EPB41L4A: variants seen among roughly 807,000 people sequenced by gnomAD.
The protein encoded by EPB41L4A is erythrocyte membrane protein band 4.1 like 4A, also known as band 4.1-like protein 4A.
Under a neutral mutation model 108.6 loss-of-function variants are expected in EPB41L4A, and 100 were observed. That is an observed-to-expected ratio of 0.92 (90% CI 0.78 to 1.09). The LOEUF is 1.09. Among genes scored for constraint, EPB41L4A ranks in the 50% least tolerant of loss-of-function variants. The pLI, the probability that EPB41L4A is intolerant of heterozygous loss-of-function variation, is 0.00. For missense variants in EPB41L4A, 1,030 were observed against 842.7 expected (o/e 1.22, Z -2.75); for synonymous variants, 319 against 289.0 (o/e 1.10, Z -1.05).
chr5:112,286,212 G>A (rs55858222), intron 2 of EPB41L4A, among the ~76,000 whole-genome samples: 9,296 of 151,648 alleles, frequency 0.061, 319 homozygotes, highest in Non-Finnish European at 0.068. Flanking sequence ...TCACTTGCAA[G>A]TGTCCTCAAT....
intron 18 of EPB41L4A, among the ~76,000 whole-genome samples, chr5:112,181,570 G>A (rs997197959): frequency 3.9e-5 from 6 of 152,014 alleles, no homozygotes; most frequent in Non-Finnish European, 5.9e-5. Flanking sequence ...TGTCTATAAC[G>A]CAATGGCAAA....
intron 1 of EPB41L4A, among the ~76,000 whole-genome samples, chr5:112,395,157 G>A (rs1205397016): frequency 3.3e-5 from 5 of 152,116 alleles, no homozygotes; most frequent in Admixed American, 2.0e-4. Context: ...AGAAAACCTA[G>A]GCAATACCAT....
chr5:112,302,057 C>T lies in EPB41L4A; in HGVS notation c.204+5329G>A, dbSNP rs563815680. 3.5e-3 allele frequency among the ~76,000 whole-genome samples: 535 copies of T among 152,106 alleles called. 4 individuals carry two copies. The highest frequency in any genetic ancestry group is 0.012 in the African/African-American group (511 of 41,508). ...AAGGTAGATGAAGAGTACAAAATTG[C>T]TATGAAATATAAATTCATAGGATAC... On this transcript the variant is annotated intron_variant, in intron 2 of 22. Transcript: ENST00000261486.
chr5:112,344,428 G>A (rs1249421222), intron 1 of EPB41L4A, among the ~76,000 whole-genome samples: 1 of 152,226 alleles, frequency 6.6e-6, no homozygotes, highest in Non-Finnish European at 1.5e-5. Flanking sequence ...AGATGTGGAT[G>A]AGGCAAGACT....
At chr5:112,416,347 C>G (rs1762719477) in intron 1 of EPB41L4A, among the ~76,000 whole-genome samples, 2 of 152,032 alleles carry the variant, frequency 1.3e-5, no homozygotes, top group Admixed American at 1.3e-4. Flanking sequence ...ATAATACAAG[C>G]AAATTCTCAA....
intron 16 of EPB41L4A, 127 bp downstream of exon 16, chr5:112,195,534 C>T (rs762385715): frequency 1.7e-4 from 127 of 754,080 alleles, no homozygotes; most frequent in Non-Finnish European, 2.6e-4. Context: ...CAGCTGAAGA[C>T]AAACTGGCTT....
At chr5:112,365,444 T>C (rs901695187) in intron 1 of EPB41L4A, among the ~76,000 whole-genome samples, 3 of 151,920 alleles carry the variant, frequency 2.0e-5, no homozygotes, top group African/African-American at 7.3e-5. Flanking sequence ...TATTTCTGAT[T>C]TAATATCAAC....
chr5:112,255,753 T>G (rs890111766), intron 9 of EPB41L4A, among the ~76,000 whole-genome samples: 3 of 152,182 alleles, frequency 2.0e-5, no homozygotes, highest in African/African-American at 7.2e-5. Context: ...TATTCAAATT[T>G]ATATATTCTG....
At chr5:112,324,222 C>A (rs1755995776) in intron 1 of EPB41L4A, among the ~76,000 whole-genome samples, 1 of 152,096 alleles carries the variant, frequency 6.6e-6, no homozygotes, top group Admixed American at 6.6e-5. Flanking sequence ...ACGAAAAATT[C>A]TAAACTATCT....
At chr5:112,241,586 A>G (rs554200899) in intron 9 of EPB41L4A, among the ~76,000 whole-genome samples, 1 of 152,240 alleles carries the variant, frequency 6.6e-6, no homozygotes, top group Non-Finnish European at 1.5e-5. Flanking sequence ...GCAATAGAGC[A>G]TAACAACTAT....
At chr5:112,187,730 C>T (rs567712608) in intron 17 of EPB41L4A, among the ~76,000 whole-genome samples, 23 of 152,270 alleles carry the variant, frequency 1.5e-4, no homozygotes, top group African/African-American at 5.3e-4. Flanking sequence ...AGCAGTTTTG[C>T]TCCTAACAGA....
At chr5:112,233,476 T>A (rs1273623201) in intron 12 of EPB41L4A, among the ~76,000 whole-genome samples, 3 of 152,236 alleles carry the variant, frequency 2.0e-5, no homozygotes, top group African/African-American at 7.2e-5. Flanking sequence ...ACTTTCTATA[T>A]GTGTATTATG....
intron 1 of EPB41L4A, among the ~76,000 whole-genome samples, chr5:112,364,303 G>C (rs570761257): frequency 1.3e-5 from 2 of 152,328 alleles, no homozygotes; most frequent in Admixed American, 6.5e-5. Flanking sequence ...TGGGATTATA[G>C]ACGTGAACCA....
chr5:112,342,221 C>T (rs567854384), intron 1 of EPB41L4A, among the ~76,000 whole-genome samples: 202 of 152,284 alleles, frequency 1.3e-3, no homozygotes, highest in Non-Finnish European at 2.2e-3. Flanking sequence ...TATGATCAGA[C>T]AACCATGATG....
In EPB41L4A at chr5:112,205,544, G is replaced by T. The variant is rs756852220; in HGVS notation, c.1179-40C>A. On this transcript the variant is annotated intron_variant, in intron 13 of 22. Transcript: ENST00000261486. ...AAAAGTATGAGAAATAAATTAAGTA[G>T]AAAATAAAAGTAAACTCACATACTT... The T allele has an allele frequency of 2.8e-6, 4 of 1,434,102 alleles. No individual in the cohort carries two copies. In the East Asian group the frequency reaches 6.8e-5, roughly 24 times the overall value. The allele number at this position is 1,434,102 out of a possible 1,614,324, so 88.8% of individuals were successfully genotyped here.
intron 12 of EPB41L4A, among the ~76,000 whole-genome samples, chr5:112,221,004 T>C (rs1438917230): frequency 6.6e-6 from 1 of 152,250 alleles, no homozygotes; most frequent in Non-Finnish European, 1.5e-5. Flanking sequence ...TGGGTCTTCA[T>C]TTCTAAAGGC....
At chr5:112,350,937 G>C (rs1224332787) in intron 1 of EPB41L4A, among the ~76,000 whole-genome samples, 4 of 152,162 alleles carry the variant, frequency 2.6e-5, no homozygotes, top group African/African-American at 9.7e-5. Context: ...GCAATAAACA[G>C]AGAGATACAC....
chr5:112,406,206 T>A (rs1762061470), intron 1 of EPB41L4A, among the ~76,000 whole-genome samples: 1 of 152,164 alleles, frequency 6.6e-6, no homozygotes, highest in African/African-American at 2.4e-5. Context: ...AGGGAAAAGA[T>A]CTATTAGCCT....
Position 112,184,063 on chromosome 5 carries a change from T to C in EPB41L4A, c.1575A>G (p.Lys525=), listed in dbSNP as rs111958355. The change falls in exon 18 of 23, where the codon AAA becomes AAG. Residue 525 remains lysine (K), a synonymous_variant. Coordinates refer to ENST00000261486, the MANE Select transcript of EPB41L4A (RefSeq NM_022140.5). The stretch of plus-strand genomic sequence containing the variant: ...GCCTGTTGTTGGGGTCGGCTTGGTT[T>C]TTTTCCTTTTGTCTCCTTAATACAG... The part of the protein sequence containing the change: ...WEAVLRRQKE[K]NQADPNNRRS... 6,537 of 1,614,074 alleles carry C rather than the reference T, an allele frequency of 4.0e-3. 198 individuals are homozygous for C. In the South Asian group the frequency reaches 0.053, roughly 13 times the overall value.
Sources: allele counts gnomAD v4.1 joint callset (sites outside exome capture counted in the v4.1 genomes callset), GRCh38; gene constraint gnomAD v4.1.1; transcripts MANE v1.5; gene names NCBI Gene and HGNC (gene_info 2026-07-23, HGNC 2026-07-21).